KRTAP9-8: variants seen among roughly 807,000 people sequenced by gnomAD.
KRTAP9-8 encodes the protein keratin associated protein 9-8.
A neutral mutation model predicts 12.8 loss-of-function variants in KRTAP9-8; 10 were observed. The ratio of observed to expected loss-of-function variants is 0.78; its 90% CI spans 0.48 to 1.33. The LOEUF (loss-of-function observed/expected upper bound fraction) is 1.33. Among genes scored for constraint, KRTAP9-8 ranks in the 40% most tolerant of loss-of-function variants. The pLI, the probability that KRTAP9-8 is intolerant of heterozygous loss-of-function variation, is 0.00. For synonymous variants in KRTAP9-8, 94 were observed against 70.8 expected (o/e 1.33, Z -1.64); for missense variants, 197 against 197.0 (o/e 1.00, Z 0.00).
rs1255483878 is a variant in KRTAP9-8 at position 41,238,410 on chromosome 17, G to A, written c.359G>A (p.Ser120Asn). 11 of 1,604,860 alleles carry A rather than the reference G, an allele frequency of 6.9e-6. No individual in the cohort carries two copies. The highest frequency in any genetic ancestry group is 1.7e-5 in the Admixed American group (1 of 59,686). Residue 120 changes from serine (S) to asparagine (N), a missense_variant, in exon 1 of 1, where the codon AGC becomes AAC. Ser to Asn is a conservative substitution (Grantham distance 46). Transcript: ENST00000254072. ...TVCLPGCLNQ[S>N]CGSNCCQPCC... ...TGCCTGCCTGGTTGCCTAAACCAGA[G>A]CTGTGGCTCCAACTGCTGCCAGCCC...
Position 41,238,328 on chromosome 17 carries a change from A to C in KRTAP9-8, c.277A>C (p.Ser93Arg). The change falls in exon 1 of 1, where the codon AGC becomes CGC. Residue 93 changes from serine (S) to arginine (R), a missense_variant. Ser to Arg is a moderately radical substitution (Grantham distance 110, BLOSUM62 -1). Coordinates refer to ENST00000254072, the MANE Select transcript of KRTAP9-8 (RefSeq NM_031963.3). ...CAGCTGTGGGTCCAGCTGTGGTCAG[A>C]GCAGCTCCTGTGCACCTGTGTACTG... is the stretch of plus-strand genomic sequence containing the variant. ...QTSCGSSCGQ[S>R]SSCAPVYCRR... The C allele has an allele frequency of 6.2e-7, 1 of 1,607,488 alleles. No homozygotes were observed. The highest frequency in any genetic ancestry group is 8.5e-7 in the Non-Finnish European group (1 of 1,179,932).
rs539070082 is a variant in KRTAP9-8, at chr17:41,238,340, G to A, written c.289G>A (p.Ala97Thr). The A allele has an allele frequency of 6.2e-7, 1 of 1,607,288 alleles. No individual in the cohort carries two copies. Among genetic ancestry groups the A allele is most frequent in the Non-Finnish European group, 8.5e-7 (1 of 1,179,926 alleles). Residue 97 changes from alanine to threonine, a missense_variant, in exon 1 of 1, where the codon GCA becomes ACA. Coordinates refer to ENST00000254072, the MANE Select transcript of KRTAP9-8 (RefSeq NM_031963.3). ...GSSCGQSSSC[A>T]PVYCRRTCYH... ...CAGCTGTGGTCAGAGCAGCTCCTGT[G>A]CACCTGTGTACTGCAGAAGAACCTG...
In KRTAP9-8 at chr17:41,238,631, C is replaced by G; in HGVS notation, c.*100C>G. The G allele has an allele frequency of 3.0e-6, 3 of 983,858 alleles. No homozygotes were observed. The East Asian group carries it at 8.0e-5, about 26-fold the overall frequency. The allele number at this position is 983,858 out of a possible 1,614,324, so 60.9% of individuals were successfully genotyped here. A position where few individuals can be genotyped will look rare whatever the true frequency, so the allele number is the denominator to read the frequency against. ...TAATTTGCTGCTGACAGCCACCATG[C>G]TCTCACCCAAATTTTTATGAATTCT... On this transcript the variant is annotated 3_prime_UTR_variant, in exon 1 of 1. Coordinates refer to ENST00000254072, the MANE Select transcript of KRTAP9-8 (RefSeq NM_031963.3).
chr17:41,238,197 C>T lies in KRTAP9-8; in HGVS notation c.146C>T (p.Pro49Leu). Residue 49 changes from proline to leucine, a missense_variant, in exon 1 of 1, where the codon CCA becomes CTA. Coordinates refer to ENST00000254072, the MANE Select transcript of KRTAP9-8 (RefSeq NM_031963.3). The stretch of plus-strand genomic sequence containing the variant: ...AGCTGCTGCCAGCCTTGCTGCCGCC[C>T]AACTTGCTGTCAAAACACCTGCTGC... The part of the protein sequence containing the change: ...VSSCCQPCCR[P>L]TCCQNTCCQP... 6.2e-7 allele frequency: 1 copy of T among 1,607,962 alleles called. No individual in the cohort carries two copies. The highest frequency in any genetic ancestry group is 1.1e-5 in the South Asian group (1 of 90,974).
Position 41,238,635 on chromosome 17 carries a change from C to T in KRTAP9-8, c.*104C>T, listed in dbSNP as rs1210887381. ...TTGCTGCTGACAGCCACCATGCTCT[C>T]ACCCAAATTTTTATGAATTCTCTAC... On this transcript the variant is annotated 3_prime_UTR_variant, in exon 1 of 1. Transcript: ENST00000254072. The T allele has an allele frequency of 1.2e-6, 1 of 838,318 alleles. No individual in the cohort carries two copies. The highest frequency in any genetic ancestry group is 1.8e-5 in the South Asian group (1 of 56,202). 51.9% of individuals were successfully genotyped at this position (838,318 alleles called of 1,614,324 possible).
chr17:41,238,292 T>C lies in KRTAP9-8; in HGVS notation c.241T>C (p.Cys81Arg). The change falls in exon 1 of 1, where the codon TGT (cysteine) becomes CGT (arginine). Residue 81 changes from cysteine to arginine, a missense_variant. By Grantham distance (180) the Cys-to-Arg change is radical (BLOSUM62 -3). Coordinates refer to ENST00000254072, the MANE Select transcript of KRTAP9-8 (RefSeq NM_031963.3). ...CSTPCCQPTC[C>R]GQTSCGSSCG... is the part of the protein sequence containing the mutation. ...CACACCCTGCTGTCAGCCCACCTGC[T>C]GTGGCCAAACCAGCTGTGGGTCCAG... 6.2e-7 allele frequency: 1 copy of C among 1,607,190 alleles called. No homozygotes were observed.
At position 41,238,366 on chromosome 17, in the gene KRTAP9-8, C is replaced by T. The variant is rs200801432; in HGVS notation, c.315C>T (p.Cys105=). 16 of 1,607,690 alleles carry T rather than the reference C, an allele frequency of 1.0e-5. No individual in the cohort carries two copies. The highest frequency in any genetic ancestry group is 1.3e-5 in the Non-Finnish European group (15 of 1,179,984). ...CACCTGTGTACTGCAGAAGAACCTG[C>T]TACCACCCCACGACTGTCTGCCTGC... ...SCAPVYCRRT[C]YHPTTVCLPG... Residue 105 remains cysteine, a synonymous_variant, in exon 1 of 1, where the codon TGC becomes TGT. Transcript: ENST00000254072.
chr17:41,238,065 G>C lies in KRTAP9-8; in HGVS notation c.14G>C (p.Cys5Ser). The change falls in exon 1 of 1, where the codon TGT becomes TCT. Residue 5 changes from cysteine (C) to serine (S), a missense_variant. By Grantham distance (112) the Cys-to-Ser change is moderately radical. Coordinates refer to ENST00000254072, the MANE Select transcript of KRTAP9-8 (RefSeq NM_031963.3). MTHC[C>S]SPCCQPTCCR... is the part of the protein sequence containing the mutation. ...ACCCCTGACACCATGACCCACTGTT[G>C]TTCCCCTTGCTGTCAGCCTACGTGC... 6.2e-7 allele frequency: 1 copy of C among 1,606,454 alleles called. No homozygotes were observed. The highest frequency in any genetic ancestry group is 8.5e-7 in the Non-Finnish European group (1 of 1,179,796).
At position 41,238,382 on chromosome 17, in the gene KRTAP9-8, G is replaced by A. The variant is rs376907722; in HGVS notation, c.331G>A (p.Val111Ile). 4.0e-5 allele frequency: 64 copies of A among 1,606,266 alleles called. No homozygotes were observed. Among genetic ancestry groups the A allele is most frequent in the South Asian group, 4.0e-4 (36 of 91,018 alleles). Residue 111 changes from valine to isoleucine, a missense_variant, in exon 1 of 1, where the codon GTC becomes ATC. Transcript: ENST00000254072. ...CRRTCYHPTT[V>I]CLPGCLNQSC... ...AAGAACCTGCTACCACCCCACGACT[G>A]TCTGCCTGCCTGGTTGCCTAAACCA...
chr17:41,238,380 C>G lies in KRTAP9-8; in HGVS notation c.329C>G (p.Thr110Ser), dbSNP rs749362432. The G allele has an allele frequency of 6.7e-5, 108 of 1,606,882 alleles. 2 individuals are homozygous for G. The highest frequency in any genetic ancestry group is 1.0e-4 in the African/African-American group (7 of 68,330). Reference sequence around the variant, plus strand: ...AGAAGAACCTGCTACCACCCCACGACTGTCTGCCTGCCTGGTTGCCTAAAC... The same window carrying G: ...AGAAGAACCTGCTACCACCCCACGAGTGTCTGCCTGCCTGGTTGCCTAAAC... Reference protein sequence around the residue: ...YCRRTCYHPTTVCLPGCLNQS... With the variant: ...YCRRTCYHPTSVCLPGCLNQS... Residue 110 changes from threonine to serine, a missense_variant, in exon 1 of 1, where the codon ACT (threonine) becomes AGT (serine). Physicochemically the swap from Thr to Ser is moderately conservative, Grantham distance 58. Transcript: ENST00000254072.
At chr17:41,238,230 T>TCCTG in the KRTAP9-8 span, 25 of 1,599,830 alleles carry the variant, frequency 1.6e-5, no homozygotes, top group Non-Finnish European at 2.0e-5. Context: ...TGCCAGCCCA[T>TCCTG]CTGTGTGACC....
At position 41,238,443 on chromosome 17, in the gene KRTAP9-8, G is replaced by T; in HGVS notation, c.392G>T (p.Arg131Leu). 2 of 1,600,148 alleles carry T rather than the reference G, an allele frequency of 1.2e-6. No individual in the cohort carries two copies. Among genetic ancestry groups the T allele is most frequent in the East Asian group, 2.2e-5 (1 of 44,618 alleles). Residue 131 changes from arginine to leucine, a missense_variant, in exon 1 of 1, where the codon CGC becomes CTC. Physicochemically the swap from Arg to Leu is moderately radical, Grantham distance 102 (BLOSUM62 -2). Transcript: ENST00000254072. ...TCCAACTGCTGCCAGCCCTGCTGCC[G>T]CCCAGCCTGCTGTGAGACCACCTGC... is the stretch of plus-strand genomic sequence containing the variant. The part of the protein sequence containing the change: ...CGSNCCQPCC[R>L]PACCETTCCR...
chr17:41,238,439 T>A lies in KRTAP9-8; in HGVS notation c.388T>A (p.Cys130Ser), dbSNP rs879135670. Residue 130 changes from cysteine (C) to serine (S), a missense_variant, in exon 1 of 1, where the codon TGC becomes AGC. By Grantham distance (112) the Cys-to-Ser change is moderately radical (BLOSUM62 -1). Transcript: ENST00000254072. ...TGGCTCCAACTGCTGCCAGCCCTGCTGCCGCCCAGCCTGCTGTGAGACCAC... is the reference window on the plus strand; with the variant it reads ...TGGCTCCAACTGCTGCCAGCCCTGCAGCCGCCCAGCCTGCTGTGAGACCAC... ...SCGSNCCQPC[C>S]RPACCETTCC... 3.1e-6 allele frequency: 5 copies of A among 1,601,582 alleles called. No individual in the cohort carries two copies. The South Asian group carries it at 3.3e-5, about 11-fold the overall frequency.
In KRTAP9-8 at chr17:41,238,069, C is replaced by T. The variant is rs1568063944; in HGVS notation, c.18C>T (p.Ser6=). Residue 6 remains serine (S), a synonymous_variant, in exon 1 of 1, where the codon TCC becomes TCT. Coordinates refer to ENST00000254072, the MANE Select transcript of KRTAP9-8 (RefSeq NM_031963.3). MTHCC[S]PCCQPTCCRT... ...CTGACACCATGACCCACTGTTGTTC[C>T]CCTTGCTGTCAGCCTACGTGCTGCA... 4 of 1,606,366 alleles carry T rather than the reference C, an allele frequency of 2.5e-6. No homozygotes were observed. Among genetic ancestry groups the T allele is most frequent in the Non-Finnish European group, 3.4e-6 (4 of 1,179,804 alleles).
Position 41,238,028 on chromosome 17 carries a change from A to T in KRTAP9-8, c.-24A>T. The T allele has an allele frequency of 6.2e-7, 1 of 1,604,396 alleles. No homozygotes were observed. Among genetic ancestry groups the T allele is most frequent in the Non-Finnish European group, 8.5e-7 (1 of 1,178,946 alleles). On this transcript the variant is annotated 5_prime_UTR_variant, in exon 1 of 1. Coordinates refer to ENST00000254072, the MANE Select transcript of KRTAP9-8 (RefSeq NM_031963.3). Reference sequence around the variant, plus strand: ...TCTGGGAAACTCACCTCTGAACAGAACTCCACCCTCTACCCCTGACACCAT... The same window carrying T: ...TCTGGGAAACTCACCTCTGAACAGATCTCCACCCTCTACCCCTGACACCAT...
Position 41,238,436 on chromosome 17 carries a change from T to C in KRTAP9-8, c.385T>C (p.Cys129Arg), listed in dbSNP as rs749382912. 3.7e-6 allele frequency: 6 copies of C among 1,600,808 alleles called. No homozygotes were observed. The highest frequency in any genetic ancestry group is 1.7e-5 in the Admixed American group (1 of 59,272). Residue 129 changes from cysteine to arginine, a missense_variant, in exon 1 of 1, where the codon TGC (cysteine) becomes CGC (arginine). Transcript: ENST00000254072. ...CTGTGGCTCCAACTGCTGCCAGCCC[T>C]GCTGCCGCCCAGCCTGCTGTGAGAC... Reference protein sequence around the residue: ...QSCGSNCCQPCCRPACCETTC... With the variant: ...QSCGSNCCQPRCRPACCETTC...
At position 41,238,117 on chromosome 17, in the gene KRTAP9-8, C is replaced by T; in HGVS notation, c.66C>T (p.Thr22=). The stretch of plus-strand genomic sequence containing the variant: ...GCAGGACCACCTGCTGGAAGCCCAC[C>T]ACTGTGACCACCTGCAGCAGCACAC... ...TCCRTTCWKP[T]TVTTCSSTPC... Residue 22 remains threonine (T), a synonymous_variant, in exon 1 of 1, where the codon ACC becomes ACT. Transcript: ENST00000254072. 1 of 1,607,572 alleles carries T rather than the reference C, an allele frequency of 6.2e-7. No homozygotes were observed. The highest frequency in any genetic ancestry group is 8.5e-7 in the Non-Finnish European group (1 of 1,179,958).
rs201746215 is a variant in KRTAP9-8, at chr17:41,238,568, A to G, written c.*37A>G. The G allele has an allele frequency of 6.7e-7, 1 of 1,492,668 alleles. No homozygotes were observed. Among genetic ancestry groups the G allele is most frequent in the Non-Finnish European group, 9.0e-7 (1 of 1,105,954 alleles). 92.5% of individuals were successfully genotyped at this position (1,492,668 alleles called of 1,614,324 possible). ...GAGAACCACCATCCTCACACAACAAATTTCTGCTCAACTGACTCATCTTTT... is the reference window on the plus strand; with the variant it reads ...GAGAACCACCATCCTCACACAACAAGTTTCTGCTCAACTGACTCATCTTTT... On this transcript the variant is annotated 3_prime_UTR_variant, in exon 1 of 1. Coordinates refer to ENST00000254072, the MANE Select transcript of KRTAP9-8 (RefSeq NM_031963.3).
rs2099920346 is a variant in KRTAP9-8, at chr17:41,238,558, C to T, written c.*27C>T. ...CACGTTCCAAGAGAACCACCATCCT[C>T]ACACAACAAATTTCTGCTCAACTGA... On this transcript the variant is annotated 3_prime_UTR_variant, in exon 1 of 1. Transcript: ENST00000254072. The T allele has an allele frequency of 6.6e-7, 1 of 1,518,972 alleles. No individual in the cohort carries two copies. The highest frequency in any genetic ancestry group is 1.1e-5 in the South Asian group (1 of 87,634). The allele number at this position is 1,518,972 out of a possible 1,614,324, so 94.1% of individuals were successfully genotyped here. A position where few individuals can be genotyped will look rare whatever the true frequency, so the allele number is the denominator to read the frequency against.
Sources: allele counts gnomAD v4.1 joint callset, GRCh38; gene constraint gnomAD v4.1.1; transcripts MANE v1.5; gene names NCBI Gene and HGNC (gene_info 2026-07-23, HGNC 2026-07-21).